Variants in SAMSN1 observed in about 807,000 individuals in gnomAD.
The protein encoded by SAMSN1 is SAM domain, SH3 domain and nuclear localization signals 1.
Under a neutral mutation model 42.0 loss-of-function variants are expected in SAMSN1, and 31 were observed. The ratio of observed to expected loss-of-function variants is 0.74; its 90% CI spans 0.55 to 1.00. SAMSN1 has a LOEUF of 1.00. Ranked by LOEUF, SAMSN1 falls within the 50% of genes least tolerant of loss-of-function variation. SAMSN1 has a pLI of 0.00. For missense variants in SAMSN1, 464 were observed against 439.4 expected (o/e 1.06, Z -0.50); for synonymous variants, 178 against 151.9 (o/e 1.17, Z -1.26).
intron 1 of SAMSN1, among the ~76,000 whole-genome samples, chr21:14,524,283 T>G (rs1978686202): frequency 6.6e-6 from 1 of 152,148 alleles, no homozygotes; most frequent in Non-Finnish European, 1.5e-5. Flanking sequence ...ATATTGATAA[T>G]GTTGTTTATA....
intron 3 of SAMSN1, among the ~76,000 whole-genome samples, chr21:14,516,484 C>G (rs552511958): frequency 6.6e-6 from 1 of 152,272 alleles, no homozygotes; most frequent in South Asian, 2.1e-4. Flanking sequence ...CCCCGCCTCC[C>G]GGGTTCAAGC....
chr21:14,631,307 C>T (rs1294312394), intron 2 of SAMSN1, among the ~76,000 whole-genome samples: 1 of 152,204 alleles, frequency 6.6e-6, no homozygotes, highest in African/African-American at 2.4e-5. Context: ...TTTTTATTCT[C>T]ACCTGATAAT....
intron 5 of SAMSN1, among the ~76,000 whole-genome samples, chr21:14,605,022 A>G (rs934116813): frequency 6.6e-6 from 1 of 152,246 alleles, no homozygotes; most frequent in Admixed American, 6.5e-5. Flanking sequence ...TACATGGTAG[A>G]TTACCAACAT....
chr21:14,623,841 C>T (rs1983087399), intron 2 of SAMSN1, among the ~76,000 whole-genome samples: 1 of 152,174 alleles, frequency 6.6e-6, no homozygotes, highest in South Asian at 2.1e-4. Context: ...CAGCACCACA[C>T]CACACCTATT....
chr21:14,549,199 C>T (rs898329642), upstream of SAMSN1, among the ~76,000 whole-genome samples: 1 of 152,038 alleles, frequency 6.6e-6, no homozygotes, highest in Non-Finnish European at 1.5e-5. Flanking sequence ...AAATTCAAAG[C>T]ATAGATAGAA....
In SAMSN1 at chr21:14,655,225, A is replaced by T. The variant is rs186180643; in HGVS notation, c.24+3523T>A. On this transcript the variant is annotated intron_variant, in intron 1 of 15. Transcript: ENST00000647101. ...AAAAATTAAACTCTAGACCTTTCAT[A>T]AGAGAGAATTAGAAAATGCTGAGTT... 1.4e-3 allele frequency among the ~76,000 whole-genome samples: 207 copies of T among 151,966 alleles called. 4 individuals are homozygous for T. The highest frequency in any genetic ancestry group is 2.2e-4 in the Non-Finnish European group (15 of 67,878).
upstream of SAMSN1, among the ~76,000 whole-genome samples, chr21:14,587,044 T>C (rs1021984151): frequency 6.6e-6 from 1 of 152,188 alleles, no homozygotes; most frequent in African/African-American, 2.4e-5. Flanking sequence ...TTGAAGAATA[T>C]GGAATATCTA....
At chr21:14,502,563 G>C (rs1987212794) in intron 5 of SAMSN1, among the ~76,000 whole-genome samples, 1 of 152,126 alleles carries the variant, frequency 6.6e-6, no homozygotes, top group Non-Finnish European at 1.5e-5. Flanking sequence ...TCCTGTAAGA[G>C]CTCCACAAAA....
intron 1 of SAMSN1, among the ~76,000 whole-genome samples, chr21:14,656,348 T>C (rs459315): frequency 0.77 from 115,948 of 151,356 alleles, 44,941 homozygotes; most frequent in Middle Eastern, 0.89. Context: ...ACAAGTAAAA[T>C]GAAAGGGATA....
chr21:14,512,127 A>G (rs1201966459), intron 4 of SAMSN1, among the ~76,000 whole-genome samples: 1 of 152,190 alleles, frequency 6.6e-6, no homozygotes, highest in African/African-American at 2.4e-5. Flanking sequence ...TTGACTCAAG[A>G]TAAAGGTGGC....
At chr21:14,524,498 A>T (rs1978707321) in intron 1 of SAMSN1, among the ~76,000 whole-genome samples, 1 of 152,162 alleles carries the variant, frequency 6.6e-6, no homozygotes, top group South Asian at 2.1e-4. Context: ...GTCTTTCCTT[A>T]TGCAATTAGA....
At chr21:14,516,815 A>C in intron 3 of SAMSN1, 77 bp downstream of exon 3, 1 of 1,222,008 alleles carries the variant, frequency 8.2e-7, no homozygotes, top group Non-Finnish European at 1.1e-6. Flanking sequence ...TAAAGTACCA[A>C]GCACTTCTAT....
intron 2 of SAMSN1, chr21:14,642,894 C>A: frequency 3.4e-6 from 2 of 584,934 alleles, no homozygotes; most frequent in South Asian, 2.4e-5. Flanking sequence ...AAAGGAATAA[C>A]TTTCTGAGAA....
At chr21:14,495,008 TA>T (rs1306472699) in intron 7 of SAMSN1, among the ~76,000 whole-genome samples, 2 of 152,202 alleles carry the variant, frequency 1.3e-5, no homozygotes, top group African/African-American at 4.8e-5. Context: ...GTTCTCAATC[TA>T]ACAATGAAAC....
At chr21:14,524,219 G>A (rs1031116160) in intron 1 of SAMSN1, among the ~76,000 whole-genome samples, 3 of 152,120 alleles carry the variant, frequency 2.0e-5, no homozygotes, top group Non-Finnish European at 4.4e-5. Context: ...GAATTATATG[G>A]AAACAAAGCT....
chr21:14,523,066 C>G (rs1978596920), intron 1 of SAMSN1, among the ~76,000 whole-genome samples: 1 of 151,874 alleles, frequency 6.6e-6, no homozygotes, highest in South Asian at 2.1e-4. Context: ...TTTTTTTTCT[C>G]CATCAATATT....
chr21:14,590,466 A>G (rs542922376), intron 7 of SAMSN1, among the ~76,000 whole-genome samples: 3 of 152,146 alleles, frequency 2.0e-5, no homozygotes, highest in East Asian at 3.9e-4. Context: ...TATTTTTTGT[A>G]GAGATGAAGT....
chr21:14,545,489 TA>T (rs1484529712), intron 1 of SAMSN1, among the ~76,000 whole-genome samples: 1 of 152,110 alleles, frequency 6.6e-6, no homozygotes, highest in Non-Finnish European at 1.5e-5. Context: ...ACGTTATTAA[TA>T]AATCTAGAGT....
intron 2 of SAMSN1, among the ~76,000 whole-genome samples, chr21:14,622,495 T>C (rs1983041849): frequency 6.6e-6 from 1 of 152,192 alleles, no homozygotes; most frequent in Non-Finnish European, 1.5e-5. Flanking sequence ...CAGTAGCCAA[T>C]TCAATCAACA....
Sources: gnomAD v4.1 joint callset for allele counts (sites outside exome capture counted in the v4.1 genomes callset) on GRCh38, gnomAD v4.1.1 for gene constraint, MANE v1.5 for transcripts, NCBI Gene and HGNC (gene_info 2026-07-23, HGNC 2026-07-21) for gene names.